The following RRAS2 variants were observed in gnomAD, a reference collection of about 807,000 sequenced individuals.
The protein encoded by RRAS2 is RAS related 2, also known as ras-related protein R-Ras2.
RRAS2 carries 7 observed loss-of-function variants against 27.6 expected under a neutral mutation model. That is an observed-to-expected ratio of 0.25 (90% CI 0.14 to 0.48). RRAS2 has a LOEUF of 0.48. Ranked by LOEUF, RRAS2 falls within the 20% of genes least tolerant of loss-of-function variation. The pLI is 0.99. For synonymous variants in RRAS2, 86 were observed against 90.9 expected (o/e 0.95, Z 0.31); for missense variants, 178 against 256.2 (o/e 0.69, Z 2.08).
At chr11:14,341,205 A>C (rs1410253578) in intron 1 of RRAS2, among the ~76,000 whole-genome samples, 1 of 152,168 alleles carries the variant, frequency 6.6e-6, no homozygotes, top group Non-Finnish European at 1.5e-5. Context: ...TTTCATGAGC[A>C]AAAAAAGTCA....
chr11:14,300,774 G>A (rs1304166649), intron 1 of RRAS2, among the ~76,000 whole-genome samples: 1 of 152,142 alleles, frequency 6.6e-6, no homozygotes, highest in Non-Finnish European at 1.5e-5. Flanking sequence ...CCACGTTAAG[G>A]AGGAAAAGAA....
intron 2 of RRAS2, among the ~76,000 whole-genome samples, 169 bp downstream of exon 2, chr11:14,295,599 T>C (rs1055287525): frequency 6.6e-6 from 1 of 152,196 alleles, no homozygotes; most frequent in African/African-American, 2.4e-5. Flanking sequence ...TTGAGGAATA[T>C]TTAAATTACC....
intron 1 of RRAS2, among the ~76,000 whole-genome samples, chr11:14,332,193 G>A (rs1554952004): frequency 1.3e-5 from 2 of 152,156 alleles, no homozygotes; most frequent in African/African-American, 4.8e-5. Flanking sequence ...ATATGAAAAT[G>A]TAAGTCCAAA....
chr11:14,326,025 T>A (rs1041457587), intron 1 of RRAS2, among the ~76,000 whole-genome samples: 1 of 152,200 alleles, frequency 6.6e-6, no homozygotes, highest in East Asian at 1.9e-4. Context: ...AGATGTTTTT[T>A]AAGAATATTA....
intron 1 of RRAS2, among the ~76,000 whole-genome samples, chr11:14,339,976 G>A (rs527918422): frequency 1.2e-3 from 176 of 151,806 alleles, no homozygotes; most frequent in African/African-American, 4.0e-3. Flanking sequence ...AAAAATAGCC[G>A]GGTGTGGTGG....
At chr11:14,307,685 T>C (rs1213967808) in intron 1 of RRAS2, among the ~76,000 whole-genome samples, 2 of 151,970 alleles carry the variant, frequency 1.3e-5, no homozygotes, top group African/African-American at 4.8e-5. Context: ...ACATAGCACA[T>C]AGCCTGCGAC....
At chr11:14,306,466 T>A (rs1847831343) in intron 1 of RRAS2, among the ~76,000 whole-genome samples, 1 of 152,144 alleles carries the variant, frequency 6.6e-6, no homozygotes, top group Non-Finnish European at 1.5e-5. Flanking sequence ...TGTGCCCAGA[T>A]GATTTGCAAA....
At chr11:14,324,505 G>A (rs1848304726) in intron 1 of RRAS2, among the ~76,000 whole-genome samples, 1 of 151,326 alleles carries the variant, frequency 6.6e-6, no homozygotes, top group South Asian at 2.1e-4. Flanking sequence ...AGGTATCAGT[G>A]CTCCCTTAAC....
chr11:14,356,664 CAT>C (rs1260837548), intron 1 of RRAS2: 16 of 409,526 alleles, frequency 3.9e-5, no homozygotes, highest in South Asian at 2.2e-4. Flanking sequence ...TTTATGTACA[CAT>C]ATGTCTTCCT....
intron 5 of RRAS2, 74 bp from the exon 6 acceptor site, chr11:14,279,498 T>C: frequency 9.0e-7 from 1 of 1,111,302 alleles, no homozygotes. Flanking sequence ...TTATTTTTTG[T>C]ACAAGTTCAC....
intron 1 of RRAS2, among the ~76,000 whole-genome samples, chr11:14,297,081 C>T (rs1161327598): frequency 1.3e-5 from 2 of 152,116 alleles, no homozygotes; most frequent in Admixed American, 1.3e-4. Flanking sequence ...TGAGAGAGTG[C>T]ATTTCCCTCT....
chr11:14,307,605 T>G (rs1847864139), intron 1 of RRAS2, among the ~76,000 whole-genome samples: 1 of 152,082 alleles, frequency 6.6e-6, no homozygotes, highest in Non-Finnish European at 1.5e-5. Flanking sequence ...AAAGTGGAAC[T>G]GGGATTCCAA....
At chr11:14,326,913 T>A (rs1320870496) in intron 1 of RRAS2, among the ~76,000 whole-genome samples, 2 of 64,368 alleles carry the variant, frequency 3.1e-5, no homozygotes, top group African/African-American at 8.3e-5. Context: ...ACAAAAAAAT[T>A]AGCCGGGCGT....
chr11:14,322,456 C>CA (rs769789924), intron 1 of RRAS2, among the ~76,000 whole-genome samples: 1 of 151,940 alleles, frequency 6.6e-6, no homozygotes, highest in Non-Finnish European at 1.5e-5. Context: ...AAAAAAAACA[C>CA]AAAGAAATAT....
rs1848989752 is a variant in RRAS2 at position 14,352,780 on chromosome 11, G to GA, written c.108+5982_108+5983insT. Among the ~76,000 whole-genome samples, 6 of 146,084 alleles carry GA rather than the reference G, an allele frequency of 4.1e-5. No individual in the cohort carries two copies. The South Asian group carries it at 1.3e-3, about 32-fold the overall frequency. On this transcript the variant is annotated intron_variant, in intron 1 of 5. Coordinates refer to ENST00000256196, the MANE Select transcript of RRAS2 (RefSeq NM_012250.6). The stretch of plus-strand genomic sequence containing the variant: ...ATAGAGAGAGAGAGAGAGAGAGAGA[G>GA]GGAGAGAGAGAGAGAGAGACATTTT...
At chr11:14,296,173 C>T (rs1207606259) in intron 1 of RRAS2, among the ~76,000 whole-genome samples, 1 of 151,644 alleles carries the variant, frequency 6.6e-6, no homozygotes, top group African/African-American at 2.4e-5. Context: ...GGACAAGACC[C>T]TGTCTCAAAA....
intron 1 of RRAS2, among the ~76,000 whole-genome samples, chr11:14,327,344 C>A (rs1202618016): frequency 6.6e-6 from 1 of 152,064 alleles, no homozygotes; most frequent in Non-Finnish European, 1.5e-5. Context: ...AACCACCACC[C>A]AAAAATGCAA....
At chr11:14,333,824 G>A (rs187377055) in intron 1 of RRAS2, among the ~76,000 whole-genome samples, 30 of 152,138 alleles carry the variant, frequency 2.0e-4, no homozygotes, top group East Asian at 3.9e-4. Flanking sequence ...TTTTAGAGAC[G>A]GGTTTTCGCC....
intron 1 of RRAS2, among the ~76,000 whole-genome samples, chr11:14,343,480 G>A (rs1217807089): frequency 2.0e-5 from 3 of 152,068 alleles, no homozygotes; most frequent in Admixed American, 6.6e-5. Flanking sequence ...AAACATCTTC[G>A]CAGTGGTTAT....
Sources: gnomAD v4.1 joint callset for allele counts (sites outside exome capture counted in the v4.1 genomes callset) on GRCh38, gnomAD v4.1.1 for gene constraint, MANE v1.5 for transcripts, NCBI Gene and HGNC (gene_info 2026-07-23, HGNC 2026-07-21) for gene names.